The following DACH2 variants were observed in gnomAD, a reference collection of about 807,000 sequenced individuals.
DACH2 encodes the protein dachshund homolog 2.
DACH2 carries 17 observed loss-of-function variants against 35.8 expected under a neutral mutation model. The observed-to-expected ratio is 0.48, with a 90% CI of 0.33 to 0.71. The LOEUF (loss-of-function observed/expected upper bound fraction) is 0.71. Ranked by LOEUF, DACH2 falls within the 30% of genes least tolerant of loss-of-function variation. The probability of loss-of-function intolerance (pLI) is 0.02; values close to 1 mark genes in which losing one functional copy is unlikely to be tolerated. For missense variants in DACH2, 469 were observed against 472.7 expected (o/e 0.99, Z 0.07); for synonymous variants, 195 against 177.3 (o/e 1.10, Z -0.79).
intron 3 of DACH2, among the ~76,000 whole-genome samples, chrX:86,621,559 A>G (rs1235857232): frequency 9.0e-6 from 1 of 111,581 alleles, no homozygotes; most frequent in Non-Finnish European, 1.9e-5. Flanking sequence ...AATAAAAAAA[A>G]AAGAAGAATA....
chrX:86,580,836 T>G lies in DACH2; in HGVS notation c.640+66445T>G, dbSNP rs747219251. ...ATTTGAATATATCATCCATAAAAAT[T>G]TCCCCACTATTGCTACAAATCCCAA... On this transcript the variant is annotated intron_variant, in intron 3 of 11. Transcript: ENST00000373125. Among the ~76,000 whole-genome samples the G allele has an allele frequency of 6.5e-4, 73 of 111,894 alleles. 1 individual carries two copies. The highest frequency in any genetic ancestry group is 3.9e-4 in the Non-Finnish European group (21 of 53,193).
At chrX:86,541,837 G>A (rs1354296754) in intron 3 of DACH2, among the ~76,000 whole-genome samples, 1 of 111,370 alleles carries the variant, frequency 9.0e-6, no homozygotes, top group Non-Finnish European at 1.9e-5. Flanking sequence ...GCATGAGGAG[G>A]AAGGTATCTG....
intron 2 of DACH2, among the ~76,000 whole-genome samples, chrX:86,498,747 T>C (rs1314518314): frequency 8.9e-6 from 1 of 112,375 alleles, no homozygotes; most frequent in Admixed American, 9.5e-5. Flanking sequence ...TATGTAAAGA[T>C]GACCTAAACC....
At chrX:86,293,271 A>G (rs898827297) in intron 1 of DACH2, among the ~76,000 whole-genome samples, 3 of 107,956 alleles carry the variant, frequency 2.8e-5, no homozygotes, top group African/African-American at 6.8e-5. Flanking sequence ...TTTGTTTTCC[A>G]TTTGCTTGGT....
In DACH2 at chrX:86,538,719, TCATGACCCAAA is replaced by T. The variant is rs200842194; in HGVS notation, c.640+24331_640+24341del. On this transcript the variant is annotated intron_variant, in intron 3 of 11. Transcript: ENST00000373125. ...TTTTCAATTCATGTGGGTGGAGCTTTCATGACCCAAACACCTCCCCTTAGGCCTCACTTCTG... is the reference window on the plus strand; with the variant it reads ...TTTTCAATTCATGTGGGTGGAGCTTTCACCTCCCCTTAGGCCTCACTTCTG... Among the ~76,000 whole-genome samples, 712 of 111,418 alleles carry T rather than the reference TCATGACCCAAA, an allele frequency of 6.4e-3. 16 individuals carry two copies. The highest frequency in any genetic ancestry group is 0.056 in the Admixed American group (578 of 10,382).
intron 1 of DACH2, among the ~76,000 whole-genome samples, chrX:86,348,133 A>G (rs1397430594): frequency 1.8e-5 from 2 of 111,770 alleles, no homozygotes; most frequent in African/African-American, 3.3e-5. Context: ...CGCATTGTTT[A>G]CAAGTCACCA....
chrX:86,497,943 G>A (rs2038196240), intron 2 of DACH2, among the ~76,000 whole-genome samples: 1 of 111,314 alleles, frequency 9.0e-6, no homozygotes. Flanking sequence ...GCAGAGAGCT[G>A]AGATCGTGCC....
At chrX:86,462,358 G>C (rs1228327955) in intron 2 of DACH2, among the ~76,000 whole-genome samples, 2 of 111,515 alleles carry the variant, frequency 1.8e-5, no homozygotes, top group Non-Finnish European at 3.8e-5. Flanking sequence ...AATGCATACA[G>C]TGAAATAAAT....
intron 7 of DACH2, among the ~76,000 whole-genome samples, chrX:86,753,594 C>T (rs1342499060): frequency 9.0e-6 from 1 of 111,005 alleles, no homozygotes; most frequent in African/African-American, 3.3e-5. Flanking sequence ...ATCATAATTC[C>T]AGTTCTTACT....
chrX:86,362,480 A>C (rs1447498527), intron 1 of DACH2, among the ~76,000 whole-genome samples: 2 of 111,574 alleles, frequency 1.8e-5, no homozygotes, highest in African/African-American at 6.5e-5. Flanking sequence ...AAGGTGATAA[A>C]CTAAATAAAA....
intron 1 of DACH2, among the ~76,000 whole-genome samples, chrX:86,197,037 A>G (rs1203651789): frequency 2.7e-5 from 3 of 111,957 alleles, no homozygotes; most frequent in Non-Finnish European, 5.6e-5. Context: ...TACAAAGGGA[A>G]GCCTGTCAAA....
At chrX:86,644,152 T>C (rs1184524946) in intron 3 of DACH2, among the ~76,000 whole-genome samples, 1 of 111,114 alleles carries the variant, frequency 9.0e-6, no homozygotes, top group Non-Finnish European at 1.9e-5. Flanking sequence ...GGCATCTGAA[T>C]AGGAAGAGAG....
At chrX:86,410,040 A>G (rs1290727326) in intron 2 of DACH2, among the ~76,000 whole-genome samples, 1 of 112,226 alleles carries the variant, frequency 8.9e-6, no homozygotes, top group African/African-American at 3.2e-5. Context: ...ACTAGTGCCA[A>G]TACTGTAGGC....
Position 86,397,540 on chromosome X carries a change from G to C in DACH2, c.527+20678G>C, listed in dbSNP as rs766100813. 2.2e-4 allele frequency among the ~76,000 whole-genome samples: 25 copies of C among 111,131 alleles called. No individual in the cohort carries two copies. The South Asian group carries it at 5.3e-3, about 24-fold the overall frequency. On this transcript the variant is annotated intron_variant, in intron 2 of 11. Transcript: ENST00000373125. ...TTGGCTGTGGGTTTGTCATAGATAGGTCTTATTATTTTGAGATACGTCCCA... is the reference window on the plus strand; with the variant it reads ...TTGGCTGTGGGTTTGTCATAGATAGCTCTTATTATTTTGAGATACGTCCCA...
At chrX:86,739,121 G>C (rs1228426380) in intron 6 of DACH2, among the ~76,000 whole-genome samples, 2 of 111,354 alleles carry the variant, frequency 1.8e-5, no homozygotes, top group Non-Finnish European at 3.8e-5. Context: ...TGATCCACCC[G>C]CCTTGGCCTC....
At chrX:86,733,858 T>A (rs781236135) in intron 6 of DACH2, among the ~76,000 whole-genome samples, 11 of 110,884 alleles carry the variant, frequency 9.9e-5, no homozygotes, top group African/African-American at 3.3e-4. Context: ...AACACAGAGG[T>A]TTTTGTGTGA....
At chrX:86,319,001 T>C (rs1442534312) in intron 1 of DACH2, among the ~76,000 whole-genome samples, 2 of 112,244 alleles carry the variant, frequency 1.8e-5, no homozygotes, top group Non-Finnish European at 3.8e-5. Context: ...CTATTAATGT[T>C]AAACCTAATT....
intron 7 of DACH2, among the ~76,000 whole-genome samples, chrX:86,743,279 T>C (rs1378923700): frequency 9.0e-6 from 1 of 111,675 alleles, no homozygotes; most frequent in Non-Finnish European, 1.9e-5. Context: ...CTCTGCATAG[T>C]ATCCAGTTTT....
chrX:86,427,085 G>A (rs980408282), intron 2 of DACH2, among the ~76,000 whole-genome samples: 2 of 111,133 alleles, frequency 1.8e-5, no homozygotes, highest in African/African-American at 6.5e-5. Flanking sequence ...GAGTCAGTCC[G>A]GATGATAGGA....
Sources: gnomAD v4.1 joint callset for allele counts (sites outside exome capture counted in the v4.1 genomes callset) on GRCh38, gnomAD v4.1.1 for gene constraint, MANE v1.5 for transcripts, NCBI Gene and HGNC (gene_info 2026-07-23, HGNC 2026-07-21) for gene names.